The following CLCA4 variants were observed in gnomAD, a reference collection of about 807,000 sequenced individuals.
CLCA4 encodes calcium-activated chloride channel regulator 4.
Under a neutral mutation model 78.9 loss-of-function variants are expected in CLCA4, and 69 were observed. That is an observed-to-expected ratio of 0.87 (90% CI 0.72 to 1.07). CLCA4 has a LOEUF of 1.07. Ranked by LOEUF, CLCA4 falls within the 50% of genes least tolerant of loss-of-function variation. CLCA4 has a pLI of 0.00. For missense variants in CLCA4, 1,133 were observed against 1,095.8 expected (o/e 1.03, Z -0.48); for synonymous variants, 362 against 375.8 (o/e 0.96, Z 0.42).
chr1:86,574,222 T>C (rs1266455274), intron 9 of CLCA4, among the ~76,000 whole-genome samples: 1 of 152,070 alleles, frequency 6.6e-6, no homozygotes, highest in Non-Finnish European at 1.5e-5. Context: ...TCTATCTGTG[T>C]GAAAAAATTA....
intron 10 of CLCA4, among the ~76,000 whole-genome samples, chr1:86,575,087 A>G (rs540998803): frequency 1.3e-5 from 2 of 152,062 alleles, no homozygotes; most frequent in South Asian, 4.1e-4. Context: ...CTCTAAGGCC[A>G]AAACCAAGGC....
intron 7 of CLCA4, 34 bp downstream of exon 7, chr1:86,567,685 T>C: frequency 6.4e-7 from 1 of 1,568,778 alleles, no homozygotes; most frequent in Non-Finnish European, 8.7e-7. Flanking sequence ...TTTTGGTTTT[T>C]GTTTCTTTTC....
chr1:86,553,724 C>G (rs1263953207), intron 1 of CLCA4, among the ~76,000 whole-genome samples: 3 of 152,148 alleles, frequency 2.0e-5, no homozygotes, highest in African/African-American at 7.2e-5. Context: ...CACCTGAGGT[C>G]AGGAGTTCGA....
At chr1:86,574,260 C>G (rs1264578656) in intron 9 of CLCA4, among the ~76,000 whole-genome samples, 1 of 151,994 alleles carries the variant, frequency 6.6e-6, no homozygotes, top group African/African-American at 2.4e-5. Flanking sequence ...AGGAAAACAT[C>G]CATGAATGCT....
At chr1:86,548,325 T>C (rs1285300485) in intron 1 of CLCA4, among the ~76,000 whole-genome samples, 1 of 152,186 alleles carries the variant, frequency 6.6e-6, no homozygotes, top group African/African-American at 2.4e-5. Context: ...TTTTTGAGTT[T>C]CTTGTATATT....
chr1:86,569,970 G>A lies in CLCA4; in HGVS notation c.1183-1107G>A, dbSNP rs200071117. 1.8e-4 allele frequency among the ~76,000 whole-genome samples: 28 copies of A among 152,074 alleles called. No individual in the cohort carries two copies. In the East Asian group the frequency reaches 3.1e-3, roughly 17 times the overall value. ...GGATCTTCATTTTGTACTTAAATGC[G>A]TGGGAGAAGTGTGATGGAGATGCTA... On this transcript the variant is annotated intron_variant, in intron 7 of 13. Coordinates refer to ENST00000370563, the MANE Select transcript of CLCA4 (RefSeq NM_012128.4).
Position 86,579,952 on chromosome 1 carries a change from T to C in CLCA4, c.2367T>C (p.Tyr789=), listed in dbSNP as rs1650656189. The C allele has an allele frequency of 6.3e-7, 1 of 1,581,486 alleles. No individual in the cohort carries two copies. Among genetic ancestry groups the C allele is most frequent in the South Asian group, 1.2e-5 (1 of 86,450 alleles). Residue 789 remains tyrosine, a synonymous_variant, in exon 14 of 14, where the codon TAT becomes TAC. Coordinates refer to ENST00000370563, the MANE Select transcript of CLCA4 (RefSeq NM_012128.4). ...ACTTTTTTTTCTCAGTTCAACGTTA[T>C]ATCATAAGAATAAGTGCAAGTATTC... ...DNFDVGKVQR[Y]IIRISASILD...
Position 86,580,382 on chromosome 1 carries a change from AAG to A in CLCA4, c.*42_*43del. 2 of 1,472,642 alleles carry A rather than the reference AAG, an allele frequency of 1.4e-6. No individual in the cohort carries two copies. The highest frequency in any genetic ancestry group is 1.8e-6 in the Non-Finnish European group (2 of 1,105,674). The allele number at this position is 1,472,642 out of a possible 1,614,324, so 91.2% of individuals were successfully genotyped here. A position where few individuals can be genotyped will look rare whatever the true frequency, so the allele number is the denominator to read the frequency against. On this transcript the variant is annotated 3_prime_UTR_variant, in exon 14 of 14. Coordinates refer to ENST00000370563, the MANE Select transcript of CLCA4 (RefSeq NM_012128.4). ...GAAAAAAATCTTCAAGTAGACCTAG[AAG>A]AGAGTTTTAAAAAACAAAACAATGT... is the stretch of plus-strand genomic sequence containing the variant.
At chr1:86,572,532 T>G in intron 8 of CLCA4, 82 bp from the exon 9 acceptor site, 1 of 809,882 alleles carries the variant, frequency 1.2e-6, no homozygotes, top group Non-Finnish European at 2.1e-6. Context: ...TATGATTTTG[T>G]TTTAACTATT....
intron 1 of CLCA4, among the ~76,000 whole-genome samples, chr1:86,551,524 A>T (rs937505270): frequency 6.6e-6 from 1 of 152,216 alleles, no homozygotes; most frequent in African/African-American, 2.4e-5. Flanking sequence ...GGCAGCACCT[A>T]TGACCCTACA....
Position 86,575,390 on chromosome 1 carries a change from C to T in CLCA4, c.1742C>T (p.Thr581Ile), listed in dbSNP as rs763418581. 1 of 1,613,180 alleles carries T rather than the reference C, an allele frequency of 6.2e-7. No homozygotes were observed. The highest frequency in any genetic ancestry group is 1.1e-5 in the South Asian group (1 of 91,068). ...GCGAACCCAGAAACATTAACTATTACAGTAACTTCTCGAGCAGCAAATTCT... is the reference window on the plus strand; with the variant it reads ...GCGAACCCAGAAACATTAACTATTATAGTAACTTCTCGAGCAGCAAATTCT... ...AKANPETLTI[T>I]VTSRAANSSV... The change falls in exon 11 of 14, where the codon ACA becomes ATA. Residue 581 changes from threonine to isoleucine, a missense_variant. Coordinates refer to ENST00000370563, the MANE Select transcript of CLCA4 (RefSeq NM_012128.4).
chr1:86,559,932 G>T lies in CLCA4; in HGVS notation c.160G>T (p.Asp54Tyr). ...CACATATTTTTTCCTTTAATGACAG[G>T]ATATGGTGACTACAGCTTCTACGTA... ...EDEKIIEQIEDMVTTASTYLF... is the reference protein window; with the variant it reads ...EDEKIIEQIEYMVTTASTYLF... The change falls in exon 2 of 14, where the codon GAT becomes TAT. Residue 54 changes from aspartate (D) to tyrosine (Y), a missense_variant and splice_region_variant. By Grantham distance (160) the Asp-to-Tyr change is radical. Transcript: ENST00000370563. 2 of 1,591,604 alleles carry T rather than the reference G, an allele frequency of 1.3e-6. No homozygotes were observed. Among genetic ancestry groups the T allele is most frequent in the Non-Finnish European group, 1.7e-6 (2 of 1,172,678 alleles).
At chr1:86,552,952 G>A (rs546940708) in intron 1 of CLCA4, 1 of 638,334 alleles carries the variant, frequency 1.6e-6, no homozygotes, top group Non-Finnish European at 2.8e-6. Flanking sequence ...CTGTGCTGAG[G>A]TGACTGGGCA....
At chr1:86,549,004 C>T (rs560928841) in intron 1 of CLCA4, among the ~76,000 whole-genome samples, 7 of 152,238 alleles carry the variant, frequency 4.6e-5, no homozygotes, top group African/African-American at 1.7e-4. Flanking sequence ...TGCTAAAGAG[C>T]AGTAAAATTT....
At chr1:86,552,135 G>T (rs141689926) in intron 1 of CLCA4, among the ~76,000 whole-genome samples, 1 of 152,124 alleles carries the variant, frequency 6.6e-6, no homozygotes, top group African/African-American at 2.4e-5. Flanking sequence ...TCGCAGCAAA[G>T]GATATTTATA....
At chr1:86,579,840 G>T in intron 13 of CLCA4, 102 bp from the exon 14 acceptor site, 1 of 847,714 alleles carries the variant, frequency 1.2e-6, no homozygotes. Context: ...TAAGGCTTTT[G>T]ATCTATCTGC....
intron 1 of CLCA4, among the ~76,000 whole-genome samples, chr1:86,557,409 T>C (rs778456799): frequency 6.6e-6 from 1 of 152,228 alleles, no homozygotes; most frequent in Non-Finnish European, 1.5e-5. Flanking sequence ...GTATGTTGTA[T>C]ATTTGTTCTT....
chr1:86,580,249 TA>T lies in CLCA4; in HGVS notation c.2668del (p.Ser890ValfsTer15). 5.0e-6 allele frequency: 8 copies of T among 1,611,764 alleles called. No homozygotes were observed. The highest frequency in any genetic ancestry group is 6.8e-6 in the Non-Finnish European group (8 of 1,178,592). On this transcript the variant is annotated frameshift_variant, in exon 14 of 14. Coordinates refer to ENST00000370563, the MANE Select transcript of CLCA4 (RefSeq NM_012128.4). LOFTEE classifies it low-confidence loss of function (END_TRUNC). ...PTPTPTPTPD[K>X]SHNSGVNIST... ...CTCCTACTCCTACTCCTACTCCTGA[TA>T]AAAGTCATAATTCTGGAGTTAATAT...
In CLCA4 at chr1:86,553,266, G is replaced by A; in HGVS notation, c.159+5988G>A. On this transcript the variant is annotated intron_variant, in intron 1 of 13. Coordinates refer to ENST00000370563, the MANE Select transcript of CLCA4 (RefSeq NM_012128.4). Reference sequence around the variant, plus strand: ...CCGCTGCAAGCTGTACGAGGACACGGTCTTCAAGCCGGCCAGGGCTCCCTC... The same window carrying A: ...CCGCTGCAAGCTGTACGAGGACACGATCTTCAAGCCGGCCAGGGCTCCCTC... 8 of 855,210 alleles carry A rather than the reference G, an allele frequency of 9.4e-6. No homozygotes were observed. In the South Asian group the frequency reaches 1.2e-4, roughly 13 times the overall value. The allele number at this position is 855,210 out of a possible 1,614,324, so 53.0% of individuals were successfully genotyped here.
Sources: allele counts gnomAD v4.1 joint callset (sites outside exome capture counted in the v4.1 genomes callset), GRCh38; gene constraint gnomAD v4.1.1; transcripts MANE v1.5; gene names NCBI Gene and HGNC (gene_info 2026-07-23, HGNC 2026-07-21).